Variants in PCDH12 observed in about 807,000 individuals in gnomAD.
PCDH12 encodes the protein protocadherin-12.
PCDH12 carries 45 observed loss-of-function variants against 70.9 expected under a neutral mutation model. The ratio of observed to expected loss-of-function variants is 0.63; its 90% CI spans 0.50 to 0.81. The LOEUF (loss-of-function observed/expected upper bound fraction) is 0.81. PCDH12 is among the 40% of genes least tolerant of loss of function. The probability of loss-of-function intolerance (pLI) is 0.00; values close to 1 mark genes in which losing one functional copy is unlikely to be tolerated. For missense variants in PCDH12, 1,370 were observed against 1,491.7 expected, an observed-to-expected ratio of 0.92 and a Z score of 1.34; for synonymous variants, 567 against 626.0, an observed-to-expected ratio of 0.91 and a Z score of 1.41.
chr5:141,950,027 G>C (rs997353570), intron 2 of PCDH12, among the ~76,000 whole-genome samples: 5 of 152,234 alleles, frequency 3.3e-5, no homozygotes, highest in African/African-American at 1.2e-4. Context: ...ATTTTTGCCT[G>C]TCTCATTGCC....
chr5:141,946,505 C>T (rs1201590474), intron 3 of PCDH12, among the ~76,000 whole-genome samples: 1 of 152,164 alleles, frequency 6.6e-6, no homozygotes, highest in African/African-American at 2.4e-5. Context: ...CTGGCCCTTC[C>T]TCCCCCTGGA....
In PCDH12 at chr5:141,957,601, C is replaced by T; in HGVS notation, c.251G>A (p.Gly84Asp). 1 of 1,614,210 alleles carries T rather than the reference C, an allele frequency of 6.2e-7. No homozygotes were observed. The highest frequency in any genetic ancestry group is 8.5e-7 in the Non-Finnish European group (1 of 1,180,040). ...ALPIQVDSEEGLLSTGRRLDR... is the reference protein window; with the variant it reads ...ALPIQVDSEEDLLSTGRRLDR... ...CAGCCGCCTGCCTGTGCTGAGCAAG[C>T]CTTCCTCAGAGTCCACCTGAATGGG... is the stretch of plus-strand genomic sequence containing the variant. The change falls in exon 1 of 4, where the codon GGC becomes GAC. Residue 84 changes from glycine to aspartate, a missense_variant. Transcript: ENST00000231484. This position sits in a 1 kb window ranked among gnomAD's most constrained non-coding sequence, Gnocchi z 4.3.
At chr5:141,951,613 T>TGACTCCACACAATTCC (rs1753083844) in intron 1 of PCDH12, 23 bp from the exon 2 acceptor site, 4 of 1,556,464 alleles carry the variant, frequency 2.6e-6, no homozygotes, top group Non-Finnish European at 3.5e-6. Flanking sequence ...AAAAATCTGT[T>TGACTCCACACAATTCC]GACTCCACAC....
At position 141,955,686 on chromosome 5, in the gene PCDH12, C is replaced by T. The variant is rs777965030; in HGVS notation, c.2166G>A (p.Leu722=). 1.2e-6 allele frequency: 2 copies of T among 1,614,168 alleles called. No homozygotes were observed. The highest frequency in any genetic ancestry group is 1.7e-5 in the Admixed American group (1 of 60,018). ...LSMSMLTVIC[L]AVLLGIFGLI... Reference sequence around the variant, plus strand: ...ACCCGAAGATGCCCAACAGTACAGCCAGGCAGATCACCGTCAGCATCGACA... The same window carrying T: ...ACCCGAAGATGCCCAACAGTACAGCTAGGCAGATCACCGTCAGCATCGACA... The change falls in exon 1 of 4, where the codon CTG becomes CTA. Residue 722 remains leucine, a synonymous_variant. Coordinates refer to ENST00000231484, the MANE Select transcript of PCDH12 (RefSeq NM_016580.4). The surrounding 1 kb of genome is among the most constrained non-coding windows in gnomAD (Gnocchi z 5.5).
In PCDH12 at chr5:141,956,412, A is replaced by C; in HGVS notation, c.1440T>G (p.Ile480Met). The C allele has an allele frequency of 6.2e-7, 1 of 1,614,156 alleles. No homozygotes were observed. The highest frequency in any genetic ancestry group is 1.3e-5 in the African/African-American group (1 of 75,018). Reference sequence around the variant, plus strand: ...AGTCTGCATCATGAGCCTTGATGGTAATGAGGTGAAGAGAGGGTAAGTTGT... The same window carrying C: ...AGTCTGCATCATGAGCCTTGATGGTCATGAGGTGAAGAGAGGGTAAGTTGT... ...RENNLPSLHLITIKAHDADLG... is the reference protein window; with the variant it reads ...RENNLPSLHLMTIKAHDADLG... Residue 480 changes from isoleucine (I) to methionine (M), a missense_variant, in exon 1 of 4, where the codon ATT (isoleucine) becomes ATG (methionine). Physicochemically the swap from Ile to Met is conservative, Grantham distance 10. Transcript: ENST00000231484.
Position 141,955,639 on chromosome 5 carries a change from G to A in PCDH12, c.2213C>T (p.Ser738Phe). 1 of 1,614,130 alleles carries A rather than the reference G, an allele frequency of 6.2e-7. No homozygotes were observed. The highest frequency in any genetic ancestry group is 1.3e-5 in the African/African-American group (1 of 75,028). Residue 738 changes from serine to phenylalanine, a missense_variant, in exon 1 of 4, where the codon TCC becomes TTC. Coordinates refer to ENST00000231484, the MANE Select transcript of PCDH12 (RefSeq NM_016580.4). This position sits in a 1 kb window ranked among gnomAD's most constrained non-coding sequence, Gnocchi z 5.5. ...GTCCTTCTTTTCTGTCCGGCAGATG[G>A]ACATGAACAAAGCCAGGATCAACCC... Reference protein sequence around the residue: ...IFGLILALFMSICRTEKKDNR... With the variant: ...IFGLILALFMFICRTEKKDNR...
At chr5:141,952,997 T>A (rs1214949350) in intron 1 of PCDH12, 1 of 152,154 alleles carries the variant, frequency 6.6e-6, no homozygotes, top group Non-Finnish European at 1.5e-5. Flanking sequence ...CTCGGGGTCT[T>A]ATTGCCTGCC....
In PCDH12 at chr5:141,955,496, C is replaced by G; in HGVS notation, c.2356G>C (p.Gly786Arg). ...GACTGCCCGACTTCACAAGGCTCAC[C>G]TGCCTGACCCCTGAGCACAGGCACG... is the stretch of plus-strand genomic sequence containing the variant. ...HLVPVLRGQA[G>R]EPCEVGQSHK... is the part of the protein sequence containing the mutation. Residue 786 changes from glycine to arginine, a missense_variant, in exon 1 of 4, where the codon GGT (glycine) becomes CGT (arginine). Physicochemically the swap from Gly to Arg is moderately radical, Grantham distance 125. Transcript: ENST00000231484. This position sits in a 1 kb window ranked among gnomAD's most constrained non-coding sequence, Gnocchi z 5.5. 3.1e-6 allele frequency: 5 copies of G among 1,614,212 alleles called. No individual in the cohort carries two copies. The highest frequency in any genetic ancestry group is 4.2e-6 in the Non-Finnish European group (5 of 1,180,032).
At chr5:141,945,892 A>G (rs1752910303) in intron 3 of PCDH12, 87 bp from the exon 4 acceptor site, 1 of 1,228,632 alleles carries the variant, frequency 8.1e-7, no homozygotes, top group Non-Finnish European at 1.2e-6. Context: ...GGGCAAGGGC[A>G]GTGGACAAAG....
rs1473535324 is a variant in PCDH12 at position 141,956,815 on chromosome 5, T to C, written c.1037A>G (p.Asn346Ser). The change falls in exon 1 of 4, where the codon AAT becomes AGT. Residue 346 changes from asparagine (N) to serine (S), a missense_variant. Transcript: ENST00000231484. ...GACGTGGATGCTTGGGATGTTGTCA[T>C]TGACATCCAGAACCTTGATGAGAAC... ...CKVLIKVLDV[N>S]DNIPSIHVTW... is the part of the protein sequence containing the mutation. The C allele has an allele frequency of 8.1e-6, 13 of 1,614,140 alleles. No individual in the cohort carries two copies. Among genetic ancestry groups the C allele is most frequent in the East Asian group, 4.5e-5 (2 of 44,902 alleles).
intron 1 of PCDH12, among the ~76,000 whole-genome samples, chr5:141,952,124 G>A (rs557356616): frequency 3.9e-5 from 6 of 152,298 alleles, no homozygotes; most frequent in African/African-American, 1.4e-4. Flanking sequence ...TGCTATGGGA[G>A]TAAGAAGGAG....
chr5:141,954,944 G>A, intron 1 of PCDH12, 28 bp downstream of exon 1: 1 of 1,590,100 alleles, frequency 6.3e-7, no homozygotes, highest in Non-Finnish European at 8.6e-7. Flanking sequence ...GGAGTGACCA[G>A]AGAAAGAGCT....
At chr5:141,954,164 C>T (rs1753137225) in intron 1 of PCDH12, among the ~76,000 whole-genome samples, 1 of 152,178 alleles carries the variant, frequency 6.6e-6, no homozygotes, top group Non-Finnish European at 1.5e-5. Flanking sequence ...CAAGGTTGCC[C>T]AGCTCCTAAG....
chr5:141,948,925 CT>C (rs1753010612), intron 3 of PCDH12, among the ~76,000 whole-genome samples: 1 of 151,954 alleles, frequency 6.6e-6, no homozygotes, highest in African/African-American at 2.4e-5. Flanking sequence ...CAGGTGCCTA[CT>C]TTGGCTTTGA....
Position 141,945,240 on chromosome 5 carries a change from C to G in PCDH12, c.*141G>C, listed in dbSNP as rs1327501433. 2 of 1,020,196 alleles carry G rather than the reference C, an allele frequency of 2.0e-6. No homozygotes were observed. Among genetic ancestry groups the G allele is most frequent in the African/African-American group, 3.2e-5 (2 of 62,500 alleles). 63.2% of individuals were successfully genotyped at this position (1,020,196 alleles called of 1,614,324 possible). ...TCAGCTGTTAGTCCTGGGGCTCTTG[C>G]CTCCTCTGTGGGGGTAGCATCAGTC... On this transcript the variant is annotated 3_prime_UTR_variant, in exon 4 of 4. Transcript: ENST00000231484.
chr5:141,949,628 T>C, intron 2 of PCDH12, 45 bp from the exon 3 acceptor site: 1 of 1,589,158 alleles, frequency 6.3e-7, no homozygotes, highest in Non-Finnish European at 8.6e-7. Context: ...CATTCCCATA[T>C]AGATTCATTC....
chr5:141,945,098 A>G lies in PCDH12; in HGVS notation c.*283T>C. The stretch of plus-strand genomic sequence containing the variant: ...GATACTCCGTGGCATCTGTTCTGCC[A>G]GAGGACTGACCCTTTGTGCTCCACA... On this transcript the variant is annotated 3_prime_UTR_variant, in exon 4 of 4. Coordinates refer to ENST00000231484, the MANE Select transcript of PCDH12 (RefSeq NM_016580.4). 6.8e-6 allele frequency: 3 copies of G among 442,032 alleles called. No homozygotes were observed. Among genetic ancestry groups the G allele is most frequent in the Non-Finnish European group, 1.2e-5 (3 of 247,696 alleles). The allele number at this position is 442,032 out of a possible 1,614,324, so 27.4% of individuals were successfully genotyped here.
chr5:141,957,429 C>T lies in PCDH12; in HGVS notation c.423G>A (p.Glu141=), dbSNP rs1234555442. ...GAGAGGCGCTCTCAGAGATTTCCAG[C>T]TCCTGCTCGCCTTTGGGAAACCGTG... ...HQPRFPKGEQ[E]LEISESASLR... The change falls in exon 1 of 4, where the codon GAG becomes GAA. Residue 141 remains glutamate (E), a synonymous_variant. Coordinates refer to ENST00000231484, the MANE Select transcript of PCDH12 (RefSeq NM_016580.4). This position sits in a 1 kb window ranked among gnomAD's most constrained non-coding sequence, Gnocchi z 4.3. 1.9e-6 allele frequency: 3 copies of T among 1,612,314 alleles called. No homozygotes were observed. The highest frequency in any genetic ancestry group is 2.7e-5 in the African/African-American group (2 of 74,914).
intron 1 of PCDH12, among the ~76,000 whole-genome samples, chr5:141,952,195 C>A (rs1211597749): frequency 3.3e-5 from 5 of 152,158 alleles, no homozygotes; most frequent in Non-Finnish European, 7.3e-5. Flanking sequence ...AGGTTGCAGG[C>A]AGCCCCACAG....
Sources: allele counts gnomAD v4.1 joint callset (sites outside exome capture counted in the v4.1 genomes callset), GRCh38; gene constraint gnomAD v4.1.1; non-coding constraint Gnocchi (gnomAD v3.1); transcripts MANE v1.5; gene names NCBI Gene and HGNC (gene_info 2026-07-23, HGNC 2026-07-21).